MEF2C: variants seen among roughly 807,000 people sequenced by gnomAD.
MEF2C encodes myocyte enhancer factor 2C.
A neutral mutation model predicts 50.5 loss-of-function variants in MEF2C; 6 were observed. That is an observed-to-expected ratio of 0.12 (90% CI 0.07 to 0.23). The LOEUF is 0.23. Ranked by LOEUF, MEF2C falls within the 10% of genes least tolerant of loss-of-function variation. The pLI is 1.00. For missense variants in MEF2C, 276 were observed against 605.0 expected (o/e 0.46, Z 5.70); for synonymous variants, 183 against 228.0 (o/e 0.80, Z 1.78).
intron 1 of MEF2C, among the ~76,000 whole-genome samples, chr5:88,841,314 C>T (rs1817261532): frequency 6.6e-6 from 1 of 152,036 alleles, no homozygotes; most frequent in Non-Finnish European, 1.5e-5. Context: ...CGAGACCAGT[C>T]TGGGCAACAT....
intron 1 of MEF2C, among the ~76,000 whole-genome samples, chr5:88,860,107 T>C (rs1235636106): frequency 6.6e-6 from 1 of 152,166 alleles, no homozygotes; most frequent in Admixed American, 6.5e-5. Context: ...TGTGAAACCC[T>C]ATGTTTCACA....
chr5:88,887,764 A>G (rs1201525942), upstream of MEF2C, among the ~76,000 whole-genome samples: 1 of 152,240 alleles, frequency 6.6e-6, no homozygotes, highest in Non-Finnish European at 1.5e-5. Flanking sequence ...ATGCATTGTG[A>G]TAATAATCTT....
At position 88,880,470 on chromosome 5, in the gene MEF2C, C is replaced by CTA. The variant is rs527490504; in HGVS notation, c.-143+2484_-143+2485insTA. Among the ~76,000 whole-genome samples the CTA allele has an allele frequency of 3.8e-4, 58 of 152,088 alleles. 1 individual carries two copies. The South Asian group carries it at 0.012, about 31-fold the overall frequency. ...GAGATTTCATAGACTCAAATTATACCACACTTTAGAGTTGAGAAATAAAAC... is the reference window on the plus strand; with the variant it reads ...GAGATTTCATAGACTCAAATTATACCTAACACTTTAGAGTTGAGAAATAAAAC... On this transcript the variant is annotated intron_variant, in intron 1 of 10. Transcript: ENST00000504921.
At position 88,719,961 on chromosome 5, in the gene MEF2C, T is replaced by G. The variant is rs1755735062; in HGVS notation, c.*2643A>C. ...CTTACTTTATCTTCAGCATTAAAAA[T>G]TCACTTTTTCTTTGTTGCTGAGGCA... On this transcript the variant is annotated 3_prime_UTR_variant, in exon 11 of 11. Coordinates refer to ENST00000504921, the MANE Select transcript of MEF2C (RefSeq NM_002397.5). 2.6e-5 allele frequency: 4 copies of G among 152,204 alleles called. No homozygotes were observed. The highest frequency in any genetic ancestry group is 2.6e-4 in the Admixed American group (4 of 15,276). 9.4% of individuals were successfully genotyped at this position (152,204 alleles called of 1,614,324 possible). A position where few individuals can be genotyped will look rare whatever the true frequency, so the allele number is the denominator to read the frequency against.
chr5:88,759,318 A>G (rs667070), intron 4 of MEF2C, among the ~76,000 whole-genome samples: 73,995 of 151,938 alleles, frequency 0.49, 19,354 homozygotes, highest in East Asian at 0.59. Context: ...TTCCATCTCT[A>G]CTAAAAATAC....
At chr5:88,887,762 T>G (rs1326195088), upstream of MEF2C, among the ~76,000 whole-genome samples, 4 of 152,264 alleles carry the variant, frequency 2.6e-5, no homozygotes, top group East Asian at 7.7e-4. Flanking sequence ...TCATGCATTG[T>G]GATAATAATC....
intron 3 of MEF2C, among the ~76,000 whole-genome samples, chr5:88,766,126 T>C: frequency 6.6e-6 from 1 of 152,190 alleles, no homozygotes; most frequent in Non-Finnish European, 1.5e-5. Context: ...CATGTGGACA[T>C]ATGGACCCTG....
chr5:88,740,863 C>T (rs747728160), intron 6 of MEF2C: 50 of 985,142 alleles, frequency 5.1e-5, no homozygotes, highest in Non-Finnish European at 8.4e-6. Flanking sequence ...TGTCTCTTTG[C>T]TAAAAATGAG....
upstream of MEF2C, among the ~76,000 whole-genome samples, chr5:88,887,834 A>G (rs17560407): frequency 0.19 from 28,179 of 152,234 alleles, 2,861 homozygotes; most frequent in Non-Finnish European, 0.24. Context: ...GCATTAACCC[A>G]AGAAGAATAT....
intron 3 of MEF2C, 109 bp downstream of exon 3, chr5:88,804,489 A>G: frequency 2.1e-6 from 2 of 947,128 alleles, no homozygotes; most frequent in Admixed American, 4.3e-5. Context: ...CTATGGGACT[A>G]TGAACATCTT....
intron 6 of MEF2C, chr5:88,734,598 T>C (rs867521531): frequency 1.0e-5 from 9 of 888,606 alleles, no homozygotes; most frequent in African/African-American, 2.0e-5. Flanking sequence ...TTTTTTTTTT[T>C]AGCATTTTCT....
chr5:88,790,458 C>T (rs977514419), intron 3 of MEF2C, among the ~76,000 whole-genome samples: 2 of 152,180 alleles, frequency 1.3e-5, no homozygotes, highest in African/African-American at 4.8e-5. Context: ...TGGTGATTCA[C>T]ACTGGGCCAC....
intron 5 of MEF2C, chr5:88,751,284 C>T (rs1772600778): frequency 2.0e-6 from 2 of 985,398 alleles, no homozygotes; most frequent in South Asian, 4.7e-5. Flanking sequence ...AAATTTGTGG[C>T]AGGTGTACAT....
intron 6 of MEF2C, chr5:88,738,193 T>C (rs946296258): frequency 2.6e-5 from 26 of 985,168 alleles, no homozygotes; most frequent in African/African-American, 3.5e-5. Flanking sequence ...ATTTCCCTAG[T>C]GTGAGAGAAG....
Position 88,719,595 on chromosome 5 carries a change from C to T in MEF2C, c.*3009G>A, listed in dbSNP as rs1419784785. On this transcript the variant is annotated 3_prime_UTR_variant, in exon 11 of 11. Transcript: ENST00000504921. ...AATAATACTCCCTCAGGGCTCTGCC[C>T]TAAAGTCTGGAATACAAAGGATTTA... is the stretch of plus-strand genomic sequence containing the variant. 6.6e-6 allele frequency: 1 copy of T among 152,166 alleles called. No homozygotes were observed. The highest frequency in any genetic ancestry group is 1.5e-5 in the Non-Finnish European group (1 of 68,014). 9.4% of individuals were successfully genotyped at this position (152,166 alleles called of 1,614,324 possible). A position where few individuals can be genotyped will look rare whatever the true frequency, so the allele number is the denominator to read the frequency against.
chr5:88,864,300 C>T (rs1021604226), intron 1 of MEF2C, among the ~76,000 whole-genome samples: 15 of 151,460 alleles, frequency 9.9e-5, no homozygotes, highest in African/African-American at 3.6e-4. Flanking sequence ...CACATGTACC[C>T]TATCAATATA....
intron 1 of MEF2C, among the ~76,000 whole-genome samples, chr5:88,863,978 C>T (rs1246219073): frequency 3.3e-5 from 5 of 151,896 alleles, no homozygotes; most frequent in South Asian, 2.1e-4. Context: ...TGTGCCACCA[C>T]GCTTGGCTCT....
At chr5:88,811,823 T>C (rs957132035) in intron 2 of MEF2C, among the ~76,000 whole-genome samples, 3 of 152,212 alleles carry the variant, frequency 2.0e-5, no homozygotes, top group Admixed American at 6.5e-5. Flanking sequence ...ACAGGATACA[T>C]GCATCATGAC....
At chr5:88,785,761 AAAGTT>A (rs1348049977) in intron 3 of MEF2C, among the ~76,000 whole-genome samples, 1 of 96,094 alleles carries the variant, frequency 1.0e-5, no homozygotes. Context: ...AGACCTTAGG[AAAGTT>A]AGTTATTTAT....
Sources: allele counts gnomAD v4.1 joint callset (sites outside exome capture counted in the v4.1 genomes callset), GRCh38; gene constraint gnomAD v4.1.1; transcripts MANE v1.5; gene names NCBI Gene and HGNC (gene_info 2026-07-23, HGNC 2026-07-21).